The following LRP1B variants were observed in gnomAD, a reference collection of about 807,000 sequenced individuals.
The protein encoded by LRP1B is low-density lipoprotein receptor-related protein 1B.
In LRP1B, 217 loss-of-function variants were observed where a neutral mutation model predicts 556.6. The ratio of observed to expected loss-of-function variants is 0.39; its 90% CI spans 0.35 to 0.44. The LOEUF (loss-of-function observed/expected upper bound fraction) is 0.44, where lower values mean the gene tolerates loss of function less well. Ranked by LOEUF, LRP1B falls within the 20% of genes least tolerant of loss-of-function variation. LRP1B has a pLI of 1.00. For missense variants in LRP1B, 5,053 were observed against 5,620.8 expected (o/e 0.90, Z 3.23); for synonymous variants, 2,047 against 1,865.8 (o/e 1.10, Z -2.50).
intron 35 of LRP1B, among the ~76,000 whole-genome samples, chr2:140,759,762 G>A (rs1688853793): frequency 6.6e-6 from 1 of 152,132 alleles, no homozygotes; most frequent in South Asian, 2.1e-4. Flanking sequence ...GCGCGCCTTG[G>A]TGACAAAGAA....
At chr2:140,754,943 G>GA (rs1332775435) in intron 35 of LRP1B, among the ~76,000 whole-genome samples, 1 of 151,480 alleles carries the variant, frequency 6.6e-6, no homozygotes, top group South Asian at 2.1e-4. Context: ...GGCAAATGGA[G>GA]AAAAAAATGA....
At chr2:140,640,966 G>A (rs1463531753) in intron 41 of LRP1B, among the ~76,000 whole-genome samples, 1 of 152,164 alleles carries the variant, frequency 6.6e-6, no homozygotes, top group African/African-American at 2.4e-5. Flanking sequence ...GATAGAACAT[G>A]TGTCCGATGT....
chr2:141,005,366 T>C lies in LRP1B; in HGVS notation c.2472A>G (p.Gln824=), dbSNP rs2105373679. Residue 824 remains glutamine, a synonymous_variant, in exon 15 of 91, where the codon CAA becomes CAG. Coordinates refer to ENST00000389484, the MANE Select transcript of LRP1B (RefSeq NM_018557.3). The part of the protein sequence containing the change: ...GGRVCACADN[Q]LLDENGTTCT... Reference sequence around the variant, plus strand: ...AAGTTGTCCCATTTTCATCCAAAAGTTGATTATCGGCACAAGCACACACCC... The same window carrying C: ...AAGTTGTCCCATTTTCATCCAAAAGCTGATTATCGGCACAAGCACACACCC... The C allele has an allele frequency of 2.5e-6, 4 of 1,610,278 alleles. No homozygotes were observed. Among genetic ancestry groups the C allele is most frequent in the Non-Finnish European group, 2.5e-6 (3 of 1,177,542 alleles).
chr2:140,883,843 C>T lies in LRP1B; in HGVS notation c.4143G>A (p.Arg1381=), dbSNP rs2105186732. 6.2e-7 allele frequency: 1 copy of T among 1,613,820 alleles called. No individual in the cohort carries two copies. Among genetic ancestry groups the T allele is most frequent in the Non-Finnish European group, 8.5e-7 (1 of 1,179,886 alleles). Residue 1381 remains arginine (R), a synonymous_variant, in exon 25 of 91, where the codon AGG becomes AGA. Transcript: ENST00000389484. ...CATATCTTGGGTCCAAAGCAATGGC[C>T]CTGGGGTGTTCCATGGCTCCTGCTA... is the stretch of plus-strand genomic sequence containing the variant. ...TLIAGAMEHP[R]AIALDPRYGI... is the part of the protein sequence containing the mutation.
intron 35 of LRP1B, among the ~76,000 whole-genome samples, chr2:140,752,617 G>A (rs1003313554): frequency 1.8e-4 from 27 of 152,032 alleles, no homozygotes; most frequent in African/African-American, 6.3e-4. Context: ...GAGCCACCAC[G>A]CCCAGGCAAA....
At chr2:141,652,208 T>C (rs1689820221) in intron 2 of LRP1B, among the ~76,000 whole-genome samples, 1 of 152,174 alleles carries the variant, frequency 6.6e-6, no homozygotes, top group African/African-American at 2.4e-5. Context: ...TCTTTTACGC[T>C]TTCTCATTGA....
chr2:140,501,886 AT>A lies in LRP1B; in HGVS notation c.8663-13del, dbSNP rs113168492. 897 of 1,581,336 alleles carry A rather than the reference AT, an allele frequency of 5.7e-4. 4 individuals are homozygous for A. The African/African-American group carries it at 0.01, about 18-fold the overall frequency. ...GTTGCATGACTGTTCTGGAAAAAAA[AT>A]AAAACAAATGGAACATAAAGGGCAT... On this transcript the variant is annotated splice_polypyrimidine_tract_variant and intron_variant, in intron 54 of 90. Coordinates refer to ENST00000389484, the MANE Select transcript of LRP1B (RefSeq NM_018557.3).
intron 2 of LRP1B, among the ~76,000 whole-genome samples, chr2:141,517,027 A>AAAAAAAAAAAAG (rs1559116535): frequency 7.3e-6 from 1 of 136,932 alleles, no homozygotes; most frequent in African/African-American, 3.0e-5. Context: ...AAAAAAAAAA[A>AAAAAAAAAAAAG]AAAAAGTAAA....
intron 3 of LRP1B, among the ~76,000 whole-genome samples, chr2:141,376,700 A>G (rs1181857757): frequency 1.3e-5 from 2 of 152,236 alleles, no homozygotes; most frequent in African/African-American, 2.4e-5. Context: ...TAAAATAAAC[A>G]AATAATTTAA....
intron 14 of LRP1B, among the ~76,000 whole-genome samples, chr2:141,008,051 G>A (rs1417216168): frequency 6.6e-6 from 1 of 151,234 alleles, no homozygotes; most frequent in African/African-American, 2.4e-5. Flanking sequence ...ATATGTTCCA[G>A]ATAGATCTCA....
At chr2:140,654,117 C>T (rs892716377) in intron 41 of LRP1B, among the ~76,000 whole-genome samples, 4 of 148,600 alleles carry the variant, frequency 2.7e-5, no homozygotes, top group East Asian at 2.0e-4. Context: ...TGAGTAATTG[C>T]TATTTTTATA....
chr2:142,092,937 A>G (rs535435339), intron 1 of LRP1B, among the ~76,000 whole-genome samples: 2 of 152,232 alleles, frequency 1.3e-5, no homozygotes, highest in East Asian at 1.9e-4. Flanking sequence ...ATCCTGAAAT[A>G]TACCATCTAC....
At position 140,324,146 on chromosome 2, in the gene LRP1B, T is replaced by C. The variant is rs758396129; in HGVS notation, c.12341-80A>G. ...AAAACTATGTTTATCCAAGACGATA[T>C]TGAAAACCTTATTACTGTTTAAAAA... is the stretch of plus-strand genomic sequence containing the variant. On this transcript the variant is annotated intron_variant, in intron 80 of 90. Coordinates refer to ENST00000389484, the MANE Select transcript of LRP1B (RefSeq NM_018557.3). The C allele has an allele frequency of 8.5e-6, 7 of 822,992 alleles. No individual in the cohort carries two copies. In the Admixed American group the frequency reaches 9.1e-5, roughly 11 times the overall value. The allele number at this position is 822,992 out of a possible 1,614,324, so 51.0% of individuals were successfully genotyped here.
chr2:142,073,144 C>G (rs1467956384), intron 1 of LRP1B, among the ~76,000 whole-genome samples: 1 of 151,878 alleles, frequency 6.6e-6, no homozygotes, highest in Non-Finnish European at 1.5e-5. Context: ...TATCATTTTT[C>G]CATAAAATAA....
intron 7 of LRP1B, among the ~76,000 whole-genome samples, chr2:141,103,428 G>A (rs1882640): frequency 0.28 from 41,747 of 151,742 alleles, 6,253 homozygotes; most frequent in East Asian, 0.65. Flanking sequence ...CTCACTTGTG[G>A]CAGCAACAGA....
intron 2 of LRP1B, among the ~76,000 whole-genome samples, chr2:141,622,079 C>T (rs927100612): frequency 3.3e-5 from 5 of 151,914 alleles, no homozygotes; most frequent in South Asian, 2.1e-4. Context: ...TTAGTAGAGA[C>T]GAGGTTTCTC....
intron 41 of LRP1B, among the ~76,000 whole-genome samples, chr2:140,624,482 C>T (rs1683580725): frequency 6.6e-6 from 1 of 152,170 alleles, no homozygotes; most frequent in Non-Finnish European, 1.5e-5. Flanking sequence ...TCTGACTCTG[C>T]AAGCTTCTAC....
At position 141,077,752 on chromosome 2, in the gene LRP1B, ATC is replaced by A. The variant is rs200339634; in HGVS notation, c.1014-15481_1014-15480del. The stretch of plus-strand genomic sequence containing the variant: ...CGGATTGCCTGCCCTACAGATTTCA[ATC>A]TAACTAGCCAGACTCACAAGTGCCT... On this transcript the variant is annotated intron_variant, in intron 7 of 90. Transcript: ENST00000389484. 2.2e-4 allele frequency among the ~76,000 whole-genome samples: 34 copies of A among 152,268 alleles called. No individual in the cohort carries two copies. The East Asian group carries it at 6.4e-3, about 29-fold the overall frequency.
intron 3 of LRP1B, among the ~76,000 whole-genome samples, chr2:141,459,616 G>A (rs1174182623): frequency 6.6e-6 from 1 of 152,096 alleles, no homozygotes; most frequent in African/African-American, 2.4e-5. Context: ...AGTCAGGAGG[G>A]TGGGTCTTTT....
Sources: allele counts gnomAD v4.1 joint callset (sites outside exome capture counted in the v4.1 genomes callset), GRCh38; gene constraint gnomAD v4.1.1; transcripts MANE v1.5; gene names NCBI Gene and HGNC (gene_info 2026-07-23, HGNC 2026-07-21).